TMEM207: variants seen among roughly 807,000 people sequenced by gnomAD.
TMEM207 encodes SRSR846.
TMEM207 carries 15 observed loss-of-function variants against 17.4 expected under a neutral mutation model. The observed-to-expected ratio is 0.86, with a 90% CI of 0.58 to 1.33. TMEM207 has a LOEUF of 1.33. TMEM207 is among the 40% of genes most tolerant of loss of function. TMEM207 has a pLI of 0.00. For synonymous variants in TMEM207, 70 were observed against 65.6 expected (o/e 1.07, Z -0.33); for missense variants, 205 against 173.8 (o/e 1.18, Z -1.01).
In TMEM207 at chr3:190,449,827, C is replaced by CT. The variant is rs771981852; in HGVS notation, c.-19dup. 9.9e-6 allele frequency: 16 copies of CT among 1,611,302 alleles called. 1 individual carries two copies. In the South Asian group the frequency reaches 1.8e-4, roughly 18 times the overall value. The stretch of plus-strand genomic sequence containing the variant: ...CTTGACATATTTAAAGGACAGTCAA[C>CT]TTAGGATAGTGGTTTGGTGCCTGTG... On this transcript the variant is annotated 5_prime_UTR_variant, in exon 1 of 5. Transcript: ENST00000354905.
At chr3:190,449,266 C>A (rs1720111669) in intron 1 of TMEM207, among the ~76,000 whole-genome samples, 1 of 152,132 alleles carries the variant, frequency 6.6e-6, no homozygotes, top group Non-Finnish European at 1.5e-5. Flanking sequence ...TCTAGAGATG[C>A]ACGTGTTAGT....
intron 4 of TMEM207, 101 bp downstream of exon 4, chr3:190,440,143 T>C: frequency 7.0e-7 from 1 of 1,427,336 alleles, no homozygotes. Context: ...AGCCACATCT[T>C]TTTCTAAGTT....
chr3:190,447,854 A>G, intron 1 of TMEM207, 27 bp from the exon 2 acceptor site: 5 of 1,605,982 alleles, frequency 3.1e-6, no homozygotes, highest in Non-Finnish European at 4.3e-6. Context: ...GAACAATAAA[A>G]TCCAAACATC....
intron 4 of TMEM207, 65 bp downstream of exon 4, chr3:190,440,179 T>G (rs933857737): frequency 2.6e-6 from 4 of 1,538,062 alleles, no homozygotes; most frequent in East Asian, 4.6e-5. Flanking sequence ...GGGAGAACAG[T>G]TTTTCAATTA....
chr3:190,433,818 G>A (rs1719742533), intron 4 of TMEM207, among the ~76,000 whole-genome samples: 1 of 151,958 alleles, frequency 6.6e-6, no homozygotes, highest in Non-Finnish European at 1.5e-5. Context: ...ACTGGATCAT[G>A]GGAATGGCTT....
At chr3:190,449,547 C>T (rs1720116201) in intron 1 of TMEM207, among the ~76,000 whole-genome samples, 188 bp downstream of exon 1, 2 of 152,146 alleles carry the variant, frequency 1.3e-5, no homozygotes, top group East Asian at 1.9e-4. Flanking sequence ...AGACTAATGC[C>T]TTGGACATTT....
rs1251245899 is a variant in TMEM207, at chr3:190,447,955, CAG to C, written c.76-130_76-129del. On this transcript the variant is annotated intron_variant, in intron 1 of 4. Coordinates refer to ENST00000354905, the MANE Select transcript of TMEM207 (RefSeq NM_207316.3). The stretch of plus-strand genomic sequence containing the variant: ...GCTTTTTTAATTAAAAGCTCTATAG[CAG>C]AGTTTATTGTTGGTACACAGAATTT... 7.7e-6 allele frequency: 6 copies of C among 776,122 alleles called. No homozygotes were observed. The African/African-American group carries it at 8.9e-5, about 12-fold the overall frequency. 48.1% of individuals were successfully genotyped at this position (776,122 alleles called of 1,614,324 possible). A position where few individuals can be genotyped will look rare whatever the true frequency, so the allele number is the denominator to read the frequency against.
intron 4 of TMEM207, among the ~76,000 whole-genome samples, chr3:190,436,320 T>C (rs1719802483): frequency 6.6e-6 from 1 of 152,198 alleles, no homozygotes; most frequent in South Asian, 2.1e-4. Flanking sequence ...CATCCCATCT[T>C]CTCCTTTGTG....
chr3:190,438,665 T>C (rs1243525328), intron 4 of TMEM207, among the ~76,000 whole-genome samples: 1 of 152,240 alleles, frequency 6.6e-6, no homozygotes, highest in Non-Finnish European at 1.5e-5. Flanking sequence ...CTAGGCTGCA[T>C]TTTTCTTTTT....
At chr3:190,438,034 TG>T (rs1490706992) in intron 4 of TMEM207, among the ~76,000 whole-genome samples, 7 of 134,194 alleles carry the variant, frequency 5.2e-5, no homozygotes, top group Non-Finnish European at 9.2e-5. Context: ...CACTCATAGG[TG>T]GGAATTGAAC....
At chr3:190,430,265 T>A (rs570366313) in intron 4 of TMEM207, among the ~76,000 whole-genome samples, 128 of 151,932 alleles carry the variant, frequency 8.4e-4, no homozygotes, top group African/African-American at 3.0e-3. Flanking sequence ...TATTCTAAAA[T>A]TTAAAAAAAA....
At chr3:190,436,984 G>A (rs1719815454) in intron 4 of TMEM207, among the ~76,000 whole-genome samples, 1 of 152,072 alleles carries the variant, frequency 6.6e-6, no homozygotes, top group African/African-American at 2.4e-5. Context: ...GCAGTGGGTG[G>A]AACAACCTAA....
At chr3:190,445,713 A>G (rs1002324873) in intron 2 of TMEM207, among the ~76,000 whole-genome samples, 2 of 152,070 alleles carry the variant, frequency 1.3e-5, no homozygotes, top group African/African-American at 2.4e-5. Flanking sequence ...TTCAGTAGAG[A>G]TGGGGTTTCA....
intron 4 of TMEM207, among the ~76,000 whole-genome samples, chr3:190,435,984 A>C (rs541419326): frequency 6.6e-6 from 1 of 152,356 alleles, no homozygotes; most frequent in South Asian, 2.1e-4. Flanking sequence ...TCTGATTGAA[A>C]GAAATTCTCT....
At chr3:190,447,500 A>G (rs1046618607) in intron 2 of TMEM207, among the ~76,000 whole-genome samples, 2 of 152,158 alleles carry the variant, frequency 1.3e-5, no homozygotes, top group Non-Finnish European at 2.9e-5. Flanking sequence ...TTCTTTTATG[A>G]ACTTAAAGTA....
chr3:190,440,569 T>C (rs1319341149), intron 3 of TMEM207, among the ~76,000 whole-genome samples, 180 bp from the exon 4 acceptor site: 1 of 152,180 alleles, frequency 6.6e-6, no homozygotes, highest in African/African-American at 2.4e-5. Flanking sequence ...ACTGAAAATA[T>C]TCTTTGGCCT....
intron 2 of TMEM207, among the ~76,000 whole-genome samples, chr3:190,444,991 T>TGAATGG (rs1360190511): frequency 6.6e-6 from 1 of 152,220 alleles, no homozygotes; most frequent in African/African-American, 2.4e-5. Context: ...TCTCAAAGAA[T>TGAATGG]GAATGGACTA....
At chr3:190,437,998 A>G (rs1347584039) in intron 4 of TMEM207, among the ~76,000 whole-genome samples, 3 of 149,158 alleles carry the variant, frequency 2.0e-5, no homozygotes, top group Non-Finnish European at 3.0e-5. Context: ...TATCGCAAGG[A>G]CAAAAAACCA....
chr3:190,443,221 T>C (rs191986390), intron 2 of TMEM207, among the ~76,000 whole-genome samples: 41 of 151,934 alleles, frequency 2.7e-4, no homozygotes, highest in Admixed American at 2.1e-3. Context: ...GTCAGGAGTA[T>C]GGATTATTTC....
Sources: allele counts gnomAD v4.1 joint callset (sites outside exome capture counted in the v4.1 genomes callset), GRCh38; gene constraint gnomAD v4.1.1; transcripts MANE v1.5; gene names NCBI Gene and HGNC (gene_info 2026-07-23, HGNC 2026-07-21).